COBLL1: variants seen among roughly 807,000 people sequenced by gnomAD.
COBLL1 encodes cordon-bleu WH2 repeat protein like 1.
A neutral mutation model predicts 94.8 loss-of-function variants in COBLL1; 50 were observed. That is an observed-to-expected ratio of 0.53 (90% CI 0.42 to 0.67). The LOEUF (loss-of-function observed/expected upper bound fraction) is 0.67, where lower values mean the gene tolerates loss of function less well. Ranked by LOEUF, COBLL1 falls within the 30% of genes least tolerant of loss-of-function variation. COBLL1 has a pLI of 0.00. For synonymous variants in COBLL1, 448 were observed against 473.8 expected (o/e 0.95, Z 0.71); for missense variants, 1,362 against 1,348.7 (o/e 1.01, Z -0.15).
chr2:164,724,661 G>A (rs1259558706), intron 5 of COBLL1: 2 of 152,082 alleles, frequency 1.3e-5, no homozygotes, highest in Non-Finnish European at 2.9e-5. Flanking sequence ...ATAAAATATT[G>A]TGTATTAAAA....
At position 164,841,740 on chromosome 2, in the gene COBLL1, T is replaced by A. The variant is rs1683635155; in HGVS notation, c.-81A>T. 1.9e-6 allele frequency: 1 copy of A among 531,476 alleles called. No individual in the cohort carries two copies. The highest frequency in any genetic ancestry group is 3.3e-6 in the Non-Finnish European group (1 of 303,556). 32.9% of individuals were successfully genotyped at this position (531,476 alleles called of 1,614,324 possible). ...TTTCCAAAGGAGACAGTAGCTCGCC[T>A]GTTCTCCCTCGCGGCTTCCTCTCCT... On this transcript the variant is annotated 5_prime_UTR_variant, in exon 1 of 14. Coordinates refer to ENST00000652658, the MANE Select transcript of COBLL1 (RefSeq NM_001365672.2). The surrounding 1 kb of genome is among the most constrained non-coding windows in gnomAD (Gnocchi z 5.5).
At chr2:164,828,533 G>T (rs969771596) in intron 2 of COBLL1, among the ~76,000 whole-genome samples, 2 of 152,040 alleles carry the variant, frequency 1.3e-5, no homozygotes, top group African/African-American at 4.8e-5. Flanking sequence ...TTACAAAGTA[G>T]ATTGTTAAGT....
At chr2:164,753,250 A>G (rs866199214) in intron 2 of COBLL1, among the ~76,000 whole-genome samples, 2 of 152,126 alleles carry the variant, frequency 1.3e-5, no homozygotes, top group African/African-American at 4.8e-5. Flanking sequence ...AAATTTTGAA[A>G]AGCTCTTGTT....
chr2:164,661,968 T>A (rs1213136737), intron 2 of COBLL1, among the ~76,000 whole-genome samples: 1 of 152,194 alleles, frequency 6.6e-6, no homozygotes, highest in Non-Finnish European at 1.5e-5. Flanking sequence ...TTCCTAATAA[T>A]CACACAAATT....
intron 7 of COBLL1, among the ~76,000 whole-genome samples, chr2:164,709,469 G>A (rs1052470333): frequency 6.6e-6 from 1 of 152,172 alleles, no homozygotes; most frequent in African/African-American, 2.4e-5. Context: ...TGTAATCCCA[G>A]CACTTTGGGA....
intron 2 of COBLL1, among the ~76,000 whole-genome samples, chr2:164,802,892 T>C (rs1238283626): frequency 6.6e-6 from 1 of 151,962 alleles, no homozygotes; most frequent in Non-Finnish European, 1.5e-5. Flanking sequence ...AATGAATAAT[T>C]AAAGGAAGAC....
intron 9 of COBLL1, 131 bp downstream of exon 9, chr2:164,704,313 A>G: frequency 1.5e-6 from 1 of 667,660 alleles, no homozygotes; most frequent in Non-Finnish European, 2.7e-6. Flanking sequence ...ATTTCATAAT[A>G]AAAATTTGGG....
intron 7 of COBLL1, among the ~76,000 whole-genome samples, chr2:164,714,976 T>A (rs578099414): frequency 2.0e-4 from 30 of 152,348 alleles, no homozygotes; most frequent in African/African-American, 7.0e-4. Context: ...TAACAACTTA[T>A]TAATTCCTCA....
At chr2:164,762,257 A>G (rs1169994943) in intron 2 of COBLL1, among the ~76,000 whole-genome samples, 2 of 152,224 alleles carry the variant, frequency 1.3e-5, no homozygotes, top group Admixed American at 1.3e-4. Context: ...GACAGTGCCA[A>G]CCACTGAGCT....
At position 164,694,600 on chromosome 2, in the gene COBLL1, A is replaced by G; in HGVS notation, c.2792T>C (p.Val931Ala). 3.7e-6 allele frequency: 6 copies of G among 1,613,966 alleles called. No individual in the cohort carries two copies. The highest frequency in any genetic ancestry group is 5.1e-6 in the Non-Finnish European group (6 of 1,179,960). ...KMPHSVPQPL[V>A]EKTDDDVIGQ... ...GATGACATCATCATCAGTTTTTTCAACAAGGGGTTGTGGAACAGAGTGAGG... is the reference window on the plus strand; with the variant it reads ...GATGACATCATCATCAGTTTTTTCAGCAAGGGGTTGTGGAACAGAGTGAGG... The change falls in exon 12 of 14, where the codon GTT (valine) becomes GCT (alanine). Residue 931 changes from valine (V) to alanine (A), a missense_variant. Physicochemically the swap from Val to Ala is moderately conservative, Grantham distance 64. Transcript: ENST00000652658.
At chr2:164,792,741 G>T (rs1683254651) in intron 2 of COBLL1, among the ~76,000 whole-genome samples, 1 of 152,164 alleles carries the variant, frequency 6.6e-6, no homozygotes, top group African/African-American at 2.4e-5. Flanking sequence ...CATCAATTTT[G>T]TATGTATGCT....
intron 2 of COBLL1, among the ~76,000 whole-genome samples, chr2:164,787,458 T>C (rs1682920192): frequency 6.6e-6 from 1 of 151,044 alleles, no homozygotes; most frequent in South Asian, 2.1e-4. Context: ...ATGATGAATA[T>C]GTTAATTAAC....
At chr2:164,691,141 G>T (rs887292640) in intron 13 of COBLL1, among the ~76,000 whole-genome samples, 1 of 152,052 alleles carries the variant, frequency 6.6e-6, no homozygotes, top group Non-Finnish European at 1.5e-5. Context: ...GCCCAGACAG[G>T]GTGCCAAGTC....
At chr2:164,841,978 GA>G (rs1241191706), upstream of COBLL1, 1 of 1,539,810 alleles carries the variant, frequency 6.5e-7, no homozygotes, top group Admixed American at 2.0e-5. This position sits in a 1 kb window ranked among gnomAD's most constrained non-coding sequence, Gnocchi z 5.5. Flanking sequence ...TCCCTGCCCG[GA>G]GTCCGGGAGC....
At chr2:164,731,083 T>A (rs979942424) in intron 3 of COBLL1, among the ~76,000 whole-genome samples, 2 of 152,212 alleles carry the variant, frequency 1.3e-5, no homozygotes, top group Non-Finnish European at 2.9e-5. Flanking sequence ...TACAGTTGTA[T>A]TAGAAAATAG....
intron 10 of COBLL1, 109 bp from the exon 11 acceptor site, chr2:164,699,608 G>C (rs764744623): frequency 1.1e-5 from 7 of 616,718 alleles, no homozygotes; most frequent in Non-Finnish European, 1.8e-5. Context: ...AATTTCCAAA[G>C]ACAGATGGAC....
At chr2:164,688,472 G>A (rs1039743883) in intron 13 of COBLL1, among the ~76,000 whole-genome samples, 1 of 152,018 alleles carries the variant, frequency 6.6e-6, no homozygotes, top group African/African-American at 2.4e-5. Context: ...GTTTTTGAAT[G>A]AGGAACATAT....
chr2:164,735,211 G>C (rs970026445), intron 3 of COBLL1, among the ~76,000 whole-genome samples: 3 of 152,168 alleles, frequency 2.0e-5, no homozygotes, highest in African/African-American at 7.2e-5. Context: ...GATTAATTCT[G>C]CTTGAAAGTC....
At chr2:164,744,816 T>C (rs889221712) in intron 2 of COBLL1, among the ~76,000 whole-genome samples, 2 of 152,180 alleles carry the variant, frequency 1.3e-5, no homozygotes, top group Non-Finnish European at 2.9e-5. Flanking sequence ...CTAATAAATA[T>C]TTTTGCATCA....
Sources: allele counts gnomAD v4.1 joint callset (sites outside exome capture counted in the v4.1 genomes callset), GRCh38; gene constraint gnomAD v4.1.1; non-coding constraint Gnocchi (gnomAD v3.1); transcripts MANE v1.5; gene names NCBI Gene and HGNC (gene_info 2026-07-23, HGNC 2026-07-21).